TGM2: variants seen among roughly 807,000 people sequenced by gnomAD.
TGM2 encodes transglutaminase 2.
In TGM2, 53 loss-of-function variants were observed where a neutral mutation model predicts 75.6. The ratio of observed to expected loss-of-function variants is 0.70; its 90% CI spans 0.56 to 0.88. TGM2 has a LOEUF of 0.88. Ranked by LOEUF, TGM2 falls within the 40% of genes least tolerant of loss-of-function variation. The pLI, the probability that TGM2 is intolerant of heterozygous loss-of-function variation, is 0.00. For missense variants in TGM2, 842 were observed against 928.5 expected (o/e 0.91, Z 1.21); for synonymous variants, 374 against 381.1 (o/e 0.98, Z 0.22).
chr20:38,137,667 A>C (rs1374322075), intron 10 of TGM2, among the ~76,000 whole-genome samples: 1 of 152,104 alleles, frequency 6.6e-6, no homozygotes, highest in Non-Finnish European at 1.5e-5. Flanking sequence ...GAGCAACCAG[A>C]GGCACAGGAG....
At chr20:38,141,215 G>A in intron 8 of TGM2, 67 bp downstream of exon 8, 1 of 1,348,338 alleles carries the variant, frequency 7.4e-7, no homozygotes, top group Non-Finnish European at 1.0e-6. Context: ...CCCTCCAGCT[G>A]AGTCACTTTA....
chr20:38,163,196 T>A (rs554487616), intron 1 of TGM2, among the ~76,000 whole-genome samples: 1 of 152,056 alleles, frequency 6.6e-6, no homozygotes, highest in Non-Finnish European at 1.5e-5. Flanking sequence ...TCATAAACCT[T>A]GGCAAGCTCA....
intron 4 of TGM2, among the ~76,000 whole-genome samples, chr20:38,148,338 TG>T (rs2075072349): frequency 6.6e-6 from 1 of 152,158 alleles, no homozygotes; most frequent in African/African-American, 2.4e-5. Context: ...AGGGCCTGGT[TG>T]GGGGAACCTG....
intron 5 of TGM2, 63 bp downstream of exon 5, chr20:38,147,898 G>C: frequency 6.4e-7 from 1 of 1,569,772 alleles, no homozygotes; most frequent in Non-Finnish European, 8.6e-7. Flanking sequence ...TCCACTGCGA[G>C]GGAGAGGCCT....
At chr20:38,158,822 G>A (rs959800073) in intron 2 of TGM2, among the ~76,000 whole-genome samples, 1 of 152,242 alleles carries the variant, frequency 6.6e-6, no homozygotes, top group Non-Finnish European at 1.5e-5. Context: ...CCACACAGGA[G>A]CAGAGTCAGC....
At chr20:38,142,577 A>C (rs941802930) in intron 6 of TGM2, among the ~76,000 whole-genome samples, 1 of 152,206 alleles carries the variant, frequency 6.6e-6, no homozygotes, top group African/African-American at 2.4e-5. Context: ...ATGGTGGTGC[A>C]CGCCTGTAAT....
Position 38,149,390 on chromosome 20 carries a change from C to G in TGM2, c.553-1301G>C, listed in dbSNP as rs45523541. On this transcript the variant is annotated intron_variant, in intron 4 of 12. Coordinates refer to ENST00000361475, the MANE Select transcript of TGM2 (RefSeq NM_004613.4). ...CACAAGACCGGATACAAAACAAGAC[C>G]CTGTGGGCCGGGCGCGGTGGCTCAC... Among the ~76,000 whole-genome samples the G allele has an allele frequency of 7.7e-3, 1,176 of 152,218 alleles. 11 individuals are homozygous for G. Among genetic ancestry groups the G allele is most frequent in the African/African-American group, 0.027 (1,110 of 41,534 alleles).
chr20:38,131,305 C>A (rs1306744715), intron 11 of TGM2, 76 bp from the exon 12 acceptor site: 3 of 1,602,308 alleles, frequency 1.9e-6, no homozygotes, highest in Non-Finnish European at 2.6e-6. Flanking sequence ...TGCAATTTGG[C>A]CCAATATTTG....
In TGM2 at chr20:38,162,723, C is replaced by A. The variant is rs552916755; in HGVS notation, c.11-1124G>T. On this transcript the variant is annotated intron_variant, in intron 1 of 12. Transcript: ENST00000361475. ...TTGTTTGTGTTAAAAAAAAGAGAGT[C>A]CTTATCCTTTAAAGGCATATACTGA... Among the ~76,000 whole-genome samples the A allele has an allele frequency of 6.6e-5, 10 of 152,128 alleles. No homozygotes were observed. The East Asian group carries it at 1.9e-3, about 29-fold the overall frequency.
intron 9 of TGM2, among the ~76,000 whole-genome samples, chr20:38,139,171 C>T (rs1203611553): frequency 2.6e-5 from 4 of 152,182 alleles, no homozygotes; most frequent in African/African-American, 9.7e-5. Context: ...CTTTCCCCTG[C>T]AACTGATTTA....
intron 4 of TGM2, among the ~76,000 whole-genome samples, chr20:38,149,436 G>T (rs1385681049): frequency 3.3e-5 from 5 of 152,094 alleles, no homozygotes; most frequent in Non-Finnish European, 7.4e-5. Flanking sequence ...CCAGCACTTT[G>T]GGAGGCTGAG....
chr20:38,147,599 C>T (rs576449226), intron 5 of TGM2, among the ~76,000 whole-genome samples: 7 of 152,218 alleles, frequency 4.6e-5, no homozygotes, highest in Admixed American at 2.6e-4. Context: ...ACTGCCTGCT[C>T]GTTCATATGG....
Position 38,131,245 on chromosome 20 carries a change from G to A in TGM2, c.1777-16C>T. 3 of 1,613,446 alleles carry A rather than the reference G, an allele frequency of 1.9e-6. No individual in the cohort carries two copies. Among genetic ancestry groups the A allele is most frequent in the Non-Finnish European group, 1.7e-6 (2 of 1,180,002 alleles). ...CCCCAAGGATCTGGAAGAGGGCATG[G>A]GGCAGATGTCAAGGGCAGGTGGGAT... On this transcript the variant is annotated splice_polypyrimidine_tract_variant and intron_variant, in intron 11 of 12. Transcript: ENST00000361475.
In TGM2 at chr20:38,129,049, G is replaced by A. The variant is rs762071221; in HGVS notation, c.*1170C>T. The A allele has an allele frequency of 1.4e-4, 21 of 152,514 alleles. No homozygotes were observed. The highest frequency in any genetic ancestry group is 2.8e-4 in the Non-Finnish European group (19 of 68,288). 9.4% of individuals were successfully genotyped at this position (152,514 alleles called of 1,614,324 possible). On this transcript the variant is annotated 3_prime_UTR_variant, in exon 13 of 13. Coordinates refer to ENST00000361475, the MANE Select transcript of TGM2 (RefSeq NM_004613.4). ...AGGAAGGAACCAGGACAGGGCTGGGGACAGAAGGTGGTCACAGTCATGGTT... is the reference window on the plus strand; with the variant it reads ...AGGAAGGAACCAGGACAGGGCTGGGAACAGAAGGTGGTCACAGTCATGGTT...
In TGM2 at chr20:38,138,311, T is replaced by A; in HGVS notation, c.1417A>T (p.Met473Leu). 1 of 1,614,190 alleles carries A rather than the reference T, an allele frequency of 6.2e-7. No homozygotes were observed. Among genetic ancestry groups the A allele is most frequent in the African/African-American group, 1.3e-5 (1 of 75,042 alleles). The change falls in exon 10 of 13, where the codon ATG (methionine) becomes TTG (leucine). Residue 473 changes from methionine to leucine, a missense_variant. Coordinates refer to ENST00000361475, the MANE Select transcript of TGM2 (RefSeq NM_004613.4). ...TGGCCCACACGGATCCGCATGGCCATCCCTGTCTCCTCCTTCTCGGCCAGT... is the reference window on the plus strand; with the variant it reads ...TGGCCCACACGGATCCGCATGGCCAACCCTGTCTCCTCCTTCTCGGCCAGT... ...NKLAEKEETG[M>L]AMRIRVGQSM... is the part of the protein sequence containing the mutation.
At chr20:38,164,003 G>A (rs6023597) in intron 1 of TGM2, among the ~76,000 whole-genome samples, 1 of 152,222 alleles carries the variant, frequency 6.6e-6, no homozygotes, top group African/African-American at 2.4e-5. Flanking sequence ...AAAGGGCCTA[G>A]GCCTTCTAGG....
chr20:38,142,004 G>A, intron 7 of TGM2, 60 bp downstream of exon 7: 1 of 1,606,596 alleles, frequency 6.2e-7, no homozygotes, highest in Non-Finnish European at 8.5e-7. Flanking sequence ...GCCCTCCAAG[G>A]TTTCCTCTCC....
At chr20:38,137,967 A>G (rs1230625926) in intron 10 of TGM2, 146 bp downstream of exon 10, 2 of 1,445,372 alleles carry the variant, frequency 1.4e-6, no homozygotes, top group East Asian at 5.0e-5. Context: ...GTTGATATTT[A>G]TAAAGTGCTT....
In TGM2 at chr20:38,141,261, CGA is replaced by C; in HGVS notation, c.1099+19_1099+20del. The C allele has an allele frequency of 6.5e-7, 1 of 1,546,822 alleles. No individual in the cohort carries two copies. Among genetic ancestry groups the C allele is most frequent in the East Asian group, 2.4e-5 (1 of 41,364 alleles). ...CCTCGTCTTCCCCATCTGTTTGACG[CGA>C]CAGTGCCCGCCCACGCACCTTCGCT... is the stretch of plus-strand genomic sequence containing the variant. On this transcript the variant is annotated intron_variant, in intron 8 of 12. Coordinates refer to ENST00000361475, the MANE Select transcript of TGM2 (RefSeq NM_004613.4).
Sources: gnomAD v4.1 joint callset for allele counts (sites outside exome capture counted in the v4.1 genomes callset) on GRCh38, gnomAD v4.1.1 for gene constraint, MANE v1.5 for transcripts, NCBI Gene and HGNC (gene_info 2026-07-23, HGNC 2026-07-21) for gene names.